Variants in GNAQ observed in about 807,000 individuals in gnomAD.
The protein encoded by GNAQ is G protein subunit alpha q.
A neutral mutation model predicts 43.9 loss-of-function variants in GNAQ; 8 were observed. That is an observed-to-expected ratio of 0.18 (90% CI 0.11 to 0.33). The LOEUF (loss-of-function observed/expected upper bound fraction) is 0.33, where lower values mean the gene tolerates loss of function less well. GNAQ is among the 10% of genes least tolerant of loss of function. The probability of loss-of-function intolerance (pLI) is 1.00; values close to 1 mark genes in which losing one functional copy is unlikely to be tolerated. For synonymous variants in GNAQ, 155 were observed against 170.7 expected, an observed-to-expected ratio of 0.91 and a Z score of 0.71; for missense variants, 158 against 450.8, an observed-to-expected ratio of 0.35 and a Z score of 5.88.
chr9:77,889,393 A>ATCTC, intron 2 of GNAQ, among the ~76,000 whole-genome samples: 1 of 137,360 alleles, frequency 7.3e-6, no homozygotes. Flanking sequence ...CCTGGGCGAC[A>ATCTC]AAGCCAGACC....
intron 3 of GNAQ, among the ~76,000 whole-genome samples, chr9:77,814,911 T>C (rs1826987962): frequency 2.0e-5 from 3 of 152,250 alleles, no homozygotes; most frequent in Admixed American, 2.0e-4. Flanking sequence ...ACTACATTGA[T>C]CACATTAATC....
chr9:77,869,614 C>T (rs946833126), intron 2 of GNAQ, among the ~76,000 whole-genome samples: 1 of 152,192 alleles, frequency 6.6e-6, no homozygotes, highest in African/African-American at 2.4e-5. Context: ...TAGAAAAATT[C>T]GTAGCTAGTC....
At chr9:77,802,237 T>A (rs1826754622) in intron 3 of GNAQ, among the ~76,000 whole-genome samples, 2 of 152,064 alleles carry the variant, frequency 1.3e-5, no homozygotes, top group Admixed American at 1.3e-4. Context: ...ATCAAAGAGC[T>A]GCTGCCCGCA....
Position 77,817,066 on chromosome 9 carries a change from C to G in GNAQ, c.322-1296G>C, listed in dbSNP as rs566458374. ...GAAAATGAATCCCTGTAGCTGCTTT[C>G]TGTACTGAGTCCCTGTGTAGGCAAT... is the stretch of plus-strand genomic sequence containing the variant. On this transcript the variant is annotated intron_variant, in intron 2 of 6. Coordinates refer to ENST00000286548, the MANE Select transcript of GNAQ (RefSeq NM_002072.5). 4.3e-4 allele frequency among the ~76,000 whole-genome samples: 66 copies of G among 152,300 alleles called. No individual in the cohort carries two copies. The South Asian group carries it at 0.013, about 30-fold the overall frequency.
chr9:77,790,029 C>T (rs1826543244), intron 5 of GNAQ, among the ~76,000 whole-genome samples: 1 of 151,956 alleles, frequency 6.6e-6, no homozygotes, highest in Admixed American at 6.6e-5. Flanking sequence ...TGAAAATGAA[C>T]AAAGTAATGA....
At chr9:77,980,452 A>G (rs1254447758) in intron 1 of GNAQ, among the ~76,000 whole-genome samples, 2 of 152,236 alleles carry the variant, frequency 1.3e-5, no homozygotes, top group Non-Finnish European at 2.9e-5. Flanking sequence ...ATGAAGATCT[A>G]CAATGCTAGA....
intron 5 of GNAQ, among the ~76,000 whole-genome samples, chr9:77,778,204 T>C (rs1826333624): frequency 8.3e-6 from 1 of 120,174 alleles, no homozygotes; most frequent in Non-Finnish European, 1.8e-5. Context: ...TATACATAGT[T>C]TTACACGTTT....
intron 1 of GNAQ, among the ~76,000 whole-genome samples, chr9:77,929,710 C>T (rs1392840591): frequency 2.6e-5 from 4 of 151,996 alleles, no homozygotes; most frequent in South Asian, 2.1e-4. Context: ...TGATGTGCGC[C>T]TGTAGTTCCT....
At chr9:77,947,311 G>A (rs920900125) in intron 1 of GNAQ, among the ~76,000 whole-genome samples, 11 of 152,198 alleles carry the variant, frequency 7.2e-5, no homozygotes, top group African/African-American at 2.7e-4. Flanking sequence ...GGGCTGGACT[G>A]TACTTCCCAG....
chr9:77,811,991 A>T (rs906141322), intron 3 of GNAQ, among the ~76,000 whole-genome samples: 2 of 152,206 alleles, frequency 1.3e-5, no homozygotes, highest in African/African-American at 4.8e-5. Flanking sequence ...AGGTGACCAA[A>T]GGTGACAGGT....
intron 1 of GNAQ, among the ~76,000 whole-genome samples, chr9:77,945,749 T>A (rs906509427): frequency 6.6e-6 from 1 of 152,188 alleles, no homozygotes; most frequent in Admixed American, 6.5e-5. Context: ...CATTAAGACC[T>A]ATTAAAGGCA....
chr9:78,026,976 C>T (rs1245965692), intron 1 of GNAQ, among the ~76,000 whole-genome samples: 1 of 152,100 alleles, frequency 6.6e-6, no homozygotes, highest in African/African-American at 2.4e-5. Context: ...GAGCCCTGTA[C>T]CATGGAGAAA....
chr9:77,831,595 C>G (rs1217634131), intron 2 of GNAQ, among the ~76,000 whole-genome samples: 2 of 152,188 alleles, frequency 1.3e-5, no homozygotes, highest in African/African-American at 4.8e-5. Flanking sequence ...ATGACATACG[C>G]TTTCAATGTG....
chr9:77,788,019 G>A (rs1392270689), intron 5 of GNAQ, among the ~76,000 whole-genome samples: 1 of 152,104 alleles, frequency 6.6e-6, no homozygotes. Context: ...CAACAAGAGT[G>A]AAACTCTGTC....
At chr9:77,795,542 G>C (rs528210320) in intron 4 of GNAQ, among the ~76,000 whole-genome samples, 1 of 152,222 alleles carries the variant, frequency 6.6e-6, no homozygotes, top group South Asian at 2.1e-4. Flanking sequence ...AGTTGCTCCT[G>C]GTGTTTTCCT....
At chr9:77,724,946 T>A (rs1460664772) in intron 6 of GNAQ, among the ~76,000 whole-genome samples, 2 of 152,270 alleles carry the variant, frequency 1.3e-5, no homozygotes, top group East Asian at 3.9e-4. Context: ...TAAAAACTAT[T>A]CAAAACCAGA....
intron 5 of GNAQ, among the ~76,000 whole-genome samples, chr9:77,757,769 C>A (rs1825928329): frequency 6.6e-6 from 1 of 152,174 alleles, no homozygotes; most frequent in African/African-American, 2.4e-5. Context: ...ATTTCACTGA[C>A]TGTACACAAA....
intron 1 of GNAQ, among the ~76,000 whole-genome samples, chr9:77,951,146 G>T (rs1822971171): frequency 7.7e-6 from 1 of 129,384 alleles, no homozygotes. Context: ...CACCTAGGCT[G>T]GAGTGCAGTG....
intron 1 of GNAQ, among the ~76,000 whole-genome samples, chr9:78,017,507 A>G (rs1823854137): frequency 6.6e-6 from 1 of 152,230 alleles, no homozygotes; most frequent in South Asian, 2.1e-4. Flanking sequence ...TTGTATGTAC[A>G]TTTCACCTTC....
Sources: gnomAD v4.1 joint callset for allele counts (sites outside exome capture counted in the v4.1 genomes callset) on GRCh38, gnomAD v4.1.1 for gene constraint, MANE v1.5 for transcripts, NCBI Gene and HGNC (gene_info 2026-07-23, HGNC 2026-07-21) for gene names.